Variants in AMPD3 observed in about 807,000 individuals in gnomAD.
AMPD3 encodes the protein AMP deaminase 3.
Under a neutral mutation model 82.3 loss-of-function variants are expected in AMPD3, and 57 were observed. The ratio of observed to expected loss-of-function variants is 0.69; its 90% CI spans 0.56 to 0.86. AMPD3 has a LOEUF of 0.86. Ranked by LOEUF, AMPD3 falls within the 40% of genes least tolerant of loss-of-function variation. AMPD3 has a pLI of 0.00. For missense variants in AMPD3, 870 were observed against 1,003.8 expected, an observed-to-expected ratio of 0.87 and a Z score of 1.80; for synonymous variants, 381 against 394.7, an observed-to-expected ratio of 0.97 and a Z score of 0.41.
rs544236280 is a variant in AMPD3, at chr11:10,488,166, C to T, written c.939+802C>T. 39 of 976,454 alleles carry T rather than the reference C, an allele frequency of 4.0e-5. No homozygotes were observed. The East Asian group carries it at 1.6e-3, about 40-fold the overall frequency. The allele number at this position is 976,454 out of a possible 1,614,324, so 60.5% of individuals were successfully genotyped here. ...CTTGTCCGGGGCTCCTGGCAGTCTC[C>T]GCCTGCAGGGGCCGCAACTGCGGTA... On this transcript the variant is annotated intron_variant, in intron 6 of 14. Transcript: ENST00000396553.
At chr11:10,468,317 A>G (rs1256390784) in intron 2 of AMPD3, among the ~76,000 whole-genome samples, 1 of 150,640 alleles carries the variant, frequency 6.6e-6, no homozygotes, top group Non-Finnish European at 1.5e-5. Context: ...AAAGGGATGG[A>G]GGAATATTTA....
chr11:10,488,116 C>G, intron 6 of AMPD3: 1 of 683,856 alleles, frequency 1.5e-6, no homozygotes, highest in Non-Finnish European at 1.8e-6. Flanking sequence ...CTCTGCCTCT[C>G]TTCTCCCACC....
Position 10,493,606 on chromosome 11 carries a change from C to T in AMPD3, c.1134+63C>T, listed in dbSNP as rs776560937. ...CAGCCCTGGCTGGGGACTCAGCCCC[C>T]TGGAAAGCCACCATGATTGTGCTTG... On this transcript the variant is annotated intron_variant, in intron 7 of 14. Transcript: ENST00000396553. 6.4e-6 allele frequency: 10 copies of T among 1,564,852 alleles called. No individual in the cohort carries two copies. The South Asian group carries it at 9.1e-5, about 14-fold the overall frequency.
chr11:10,460,830 T>C (rs1848247576), intron 1 of AMPD3: 2 of 948,908 alleles, frequency 2.1e-6, no homozygotes, highest in South Asian at 4.9e-5. Context: ...GGCCAGTGAC[T>C]GTTAGTAAGG....
At chr11:10,494,467 G>T in intron 7 of AMPD3, 1 of 755,480 alleles carries the variant, frequency 1.3e-6, no homozygotes, top group Non-Finnish European at 1.6e-6. Flanking sequence ...GGTTAAAAAT[G>T]GTTGAAATGG....
intron 2 of AMPD3, among the ~76,000 whole-genome samples, chr11:10,470,363 G>T (rs1476567983): frequency 6.6e-6 from 1 of 152,174 alleles, no homozygotes; most frequent in Non-Finnish European, 1.5e-5. Context: ...ATATCATACT[G>T]AATGGGCAAA....
At chr11:10,500,061 G>A (rs780427200) in intron 10 of AMPD3, 25 bp from the exon 11 acceptor site, 99 of 1,613,936 alleles carry the variant, frequency 6.1e-5, no homozygotes, top group Non-Finnish European at 7.9e-5. Flanking sequence ...GCCTTGGCCT[G>A]GTGCTCAGGA....
chr11:10,473,067 T>C (rs1195621985), intron 2 of AMPD3, among the ~76,000 whole-genome samples: 1 of 148,952 alleles, frequency 6.7e-6, no homozygotes, highest in African/African-American at 2.5e-5. Flanking sequence ...GCCAGGAGTT[T>C]GAGACCAGCC....
chr11:10,484,128 A>C, intron 4 of AMPD3: 2 of 449,990 alleles, frequency 4.4e-6, no homozygotes, highest in Non-Finnish European at 5.9e-6. Flanking sequence ...AGGGGGTGTT[A>C]TCTTCAGAGG....
At chr11:10,473,301 G>T in intron 2 of AMPD3, 1 of 796,466 alleles carries the variant, frequency 1.3e-6, no homozygotes, top group East Asian at 1.3e-4. Flanking sequence ...TAAAGTTAGG[G>T]AGAGAGATTG....
intron 12 of AMPD3, 186 bp from the exon 13 acceptor site, chr11:10,502,535 A>G (rs938962183): frequency 1.0e-6 from 1 of 985,310 alleles, no homozygotes; most frequent in African/African-American, 1.7e-5. Flanking sequence ...AATGAGATGA[A>G]CAGTGGGGAA....
At chr11:10,457,858 G>A (rs1164602827) in intron 1 of AMPD3, among the ~76,000 whole-genome samples, 2 of 152,210 alleles carry the variant, frequency 1.3e-5, no homozygotes, top group African/African-American at 2.4e-5. Flanking sequence ...TTGTGCCACT[G>A]CACTCCAGCC....
chr11:10,452,816 G>T (rs1418530527), upstream of AMPD3, among the ~76,000 whole-genome samples: 1 of 152,200 alleles, frequency 6.6e-6, no homozygotes, highest in African/African-American at 2.4e-5. Context: ...CAACCTATGA[G>T]ATTGGCTTTT....
At chr11:10,490,636 G>A (rs1849213106) in intron 6 of AMPD3, 5 of 985,194 alleles carry the variant, frequency 5.1e-6, no homozygotes, top group African/African-American at 3.5e-5. Flanking sequence ...GTTTGGATGG[G>A]GTGCTTCCTG....
intron 6 of AMPD3, chr11:10,490,503 T>A: frequency 1.0e-6 from 1 of 985,444 alleles, no homozygotes. Context: ...CTGCTCTTTC[T>A]TTACATCTGA....
intron 3 of AMPD3, chr11:10,481,699 T>G (rs1019348120): frequency 4.7e-5 from 8 of 169,642 alleles, no homozygotes; most frequent in African/African-American, 1.9e-4. Context: ...AGCAGAGTCA[T>G]CAGAACATAC....
chr11:10,482,002 C>T (rs1848921532), intron 3 of AMPD3, 61 bp from the exon 4 acceptor site: 1 of 1,607,142 alleles, frequency 6.2e-7, no homozygotes, highest in African/African-American at 1.3e-5. Context: ...GCACATCTTT[C>T]CAAGGATGGC....
chr11:10,487,043 C>T (rs1303271858), intron 5 of AMPD3, 192 bp from the exon 6 acceptor site: 12 of 976,676 alleles, frequency 1.2e-5, no homozygotes, highest in Non-Finnish European at 1.5e-5. Flanking sequence ...CCTGACTCTC[C>T]ACTGACTTTA....
chr11:10,492,915 T>C (rs2133917446), intron 6 of AMPD3, among the ~76,000 whole-genome samples: 1 of 152,280 alleles, frequency 6.6e-6, no homozygotes, highest in East Asian at 1.9e-4. Flanking sequence ...GGCAAAGGGA[T>C]GCAGTGTACT....
Sources: allele counts gnomAD v4.1 joint callset (sites outside exome capture counted in the v4.1 genomes callset), GRCh38; gene constraint gnomAD v4.1.1; transcripts MANE v1.5; gene names NCBI Gene and HGNC (gene_info 2026-07-23, HGNC 2026-07-21).